The following MSRA variants were observed in gnomAD, a reference collection of about 807,000 sequenced individuals.
The protein encoded by MSRA is mitochondrial peptide methionine sulfoxide reductase.
MSRA carries 54 observed loss-of-function variants against 31.3 expected under a neutral mutation model. That is an observed-to-expected ratio of 1.73 (90% CI 1.39 to 2.17). The LOEUF is 2.17. MSRA is among the 30% of genes most tolerant of loss of function. The pLI, the probability that MSRA is intolerant of heterozygous loss-of-function variation, is 0.00. For missense variants in MSRA, 507 were observed against 300.9 expected (o/e 1.69, Z -5.07); for synonymous variants, 169 against 116.5 (o/e 1.45, Z -2.90).
chr8:10,223,308 C>G (rs916979835), intron 2 of MSRA, among the ~76,000 whole-genome samples: 4 of 152,144 alleles, frequency 2.6e-5, no homozygotes, highest in Non-Finnish European at 4.4e-5. Context: ...AGAAGCACTT[C>G]AGATTGTACT....
chr8:10,165,770 G>C (rs532123070), intron 1 of MSRA, among the ~76,000 whole-genome samples: 1 of 152,312 alleles, frequency 6.6e-6, no homozygotes, highest in South Asian at 2.1e-4. Flanking sequence ...GCATTGCAGA[G>C]TCCTCCTCAG....
At chr8:10,140,014 A>T (rs550169839) in intron 1 of MSRA, among the ~76,000 whole-genome samples, 1 of 152,222 alleles carries the variant, frequency 6.6e-6, no homozygotes, top group Non-Finnish European at 1.5e-5. Context: ...CATTTATCTG[A>T]TGCAAGTTTT....
At chr8:10,379,013 C>T (rs1285491321) in intron 5 of MSRA, among the ~76,000 whole-genome samples, 1 of 152,238 alleles carries the variant, frequency 6.6e-6, no homozygotes, top group Non-Finnish European at 1.5e-5. Flanking sequence ...TTTTTTTACG[C>T]AGACATGCTT....
intron 3 of MSRA, among the ~76,000 whole-genome samples, chr8:10,278,407 A>G (rs1000351440): frequency 2.0e-5 from 3 of 152,234 alleles, no homozygotes; most frequent in Non-Finnish European, 4.4e-5. Flanking sequence ...CTTCTTGTTC[A>G]TGTAACAACC....
At chr8:10,419,013 G>T (rs1380006955) in intron 5 of MSRA, among the ~76,000 whole-genome samples, 1 of 151,918 alleles carries the variant, frequency 6.6e-6, no homozygotes, top group Non-Finnish European at 1.5e-5. Context: ...AAGGCGGGAG[G>T]TGAATACATA....
intron 3 of MSRA, among the ~76,000 whole-genome samples, chr8:10,271,390 T>C (rs1368463857): frequency 3.3e-5 from 5 of 152,332 alleles, no homozygotes; most frequent in African/African-American, 1.2e-4. Flanking sequence ...TTCTCAATTA[T>C]GTAACATTTA....
At chr8:10,187,737 T>G (rs1807175508) in intron 1 of MSRA, among the ~76,000 whole-genome samples, 1 of 152,214 alleles carries the variant, frequency 6.6e-6, no homozygotes, top group Non-Finnish European at 1.5e-5. Flanking sequence ...GAAGGTCCTT[T>G]AAGTGTATTT....
chr8:10,416,182 G>C (rs889781954), intron 5 of MSRA, among the ~76,000 whole-genome samples: 13 of 152,158 alleles, frequency 8.5e-5, no homozygotes, highest in African/African-American at 3.1e-4. Flanking sequence ...AGCACCTCGC[G>C]GGCAGGGCTT....
chr8:10,335,428 A>T (rs1447179539), intron 5 of MSRA, among the ~76,000 whole-genome samples: 1 of 151,466 alleles, frequency 6.6e-6, no homozygotes, highest in Non-Finnish European at 1.5e-5. Flanking sequence ...TGCGACGTCT[A>T]CTCCCGAGCC....
chr8:10,202,960 C>T (rs1165393152), intron 1 of MSRA, among the ~76,000 whole-genome samples: 1 of 151,910 alleles, frequency 6.6e-6, no homozygotes, highest in Admixed American at 6.6e-5. Flanking sequence ...TGTCCTGGAT[C>T]GCCTGTTCTT....
At chr8:10,173,013 A>G (rs190902875) in intron 1 of MSRA, among the ~76,000 whole-genome samples, 4 of 152,330 alleles carry the variant, frequency 2.6e-5, no homozygotes, top group African/African-American at 9.6e-5. Context: ...ATAGGGAAGA[A>G]GAATATTCTA....
At chr8:10,134,731 G>C (rs77390783) in intron 1 of MSRA, among the ~76,000 whole-genome samples, 3,078 of 152,322 alleles carry the variant, frequency 0.02, 94 homozygotes, top group African/African-American at 0.071. Flanking sequence ...ATGTCTAGGA[G>C]GGCAGTCTTC....
At chr8:10,235,838 T>C (rs1231079200) in intron 2 of MSRA, among the ~76,000 whole-genome samples, 1 of 152,132 alleles carries the variant, frequency 6.6e-6, no homozygotes, top group Non-Finnish European at 1.5e-5. Flanking sequence ...ATACCAATTC[T>C]GGACAAGGAC....
At chr8:10,416,845 C>A (rs1056268801) in intron 5 of MSRA, among the ~76,000 whole-genome samples, 1 of 152,204 alleles carries the variant, frequency 6.6e-6, no homozygotes, top group Non-Finnish European at 1.5e-5. Context: ...AAACTCATTC[C>A]TTCCTCTCCT....
chr8:10,264,183 A>T (rs1348888433), intron 3 of MSRA, among the ~76,000 whole-genome samples: 1 of 152,196 alleles, frequency 6.6e-6, no homozygotes, highest in Admixed American at 6.5e-5. Context: ...AGTCAGGTGA[A>T]TTTTAGATTG....
chr8:10,209,067 T>G (rs1809257658), intron 2 of MSRA, among the ~76,000 whole-genome samples: 1 of 152,228 alleles, frequency 6.6e-6, no homozygotes, highest in African/African-American at 2.4e-5. Flanking sequence ...CTGTGTAGGC[T>G]ATCACCTTTT....
At chr8:10,245,280 A>G (rs1320046911) in intron 3 of MSRA, 57 bp downstream of exon 3, 9 of 1,498,208 alleles carry the variant, frequency 6.0e-6, no homozygotes, top group Non-Finnish European at 8.2e-6. Flanking sequence ...GCTTGTCACT[A>G]CTGTTGGGTG....
intron 1 of MSRA, among the ~76,000 whole-genome samples, chr8:10,207,169 C>A (rs943614597): frequency 6.6e-6 from 1 of 152,152 alleles, no homozygotes; most frequent in Non-Finnish European, 1.5e-5. Context: ...AAAACAATAA[C>A]CTGGTCACTT....
At chr8:10,180,409 T>C (rs968147220) in intron 1 of MSRA, among the ~76,000 whole-genome samples, 1 of 152,076 alleles carries the variant, frequency 6.6e-6, no homozygotes, top group Non-Finnish European at 1.5e-5. Context: ...GAACCCATTG[T>C]TTAGGGTTTT....
Sources: allele counts gnomAD v4.1 joint callset (sites outside exome capture counted in the v4.1 genomes callset), GRCh38; gene constraint gnomAD v4.1.1; transcripts MANE v1.5; gene names NCBI Gene and HGNC (gene_info 2026-07-23, HGNC 2026-07-21).